Variants in DCDC2C observed in about 807,000 individuals in gnomAD.
The protein encoded by DCDC2C is doublecortin domain containing 2C.
In DCDC2C, 44 loss-of-function variants were observed where a neutral mutation model predicts 45.0. The observed-to-expected ratio is 0.98, with a 90% CI of 0.77 to 1.26. DCDC2C has a LOEUF of 1.26. DCDC2C is among the 50% of genes most tolerant of loss of function. DCDC2C has a pLI of 0.00. For missense variants in DCDC2C, 447 were observed against 468.9 expected (o/e 0.95, Z 0.43); for synonymous variants, 187 against 178.8 (o/e 1.05, Z -0.37).
chr2:3,809,467 T>G (rs1483768245), intron 10 of DCDC2C, among the ~76,000 whole-genome samples: 16 of 152,354 alleles, frequency 1.1e-4, no homozygotes, highest in Non-Finnish European at 2.9e-5. Flanking sequence ...TGCATAAATA[T>G]TTTGGTTTTG....
chr2:3,723,767 T>G (rs1371401915), intron 2 of DCDC2C, among the ~76,000 whole-genome samples: 1 of 152,098 alleles, frequency 6.6e-6, no homozygotes, highest in Non-Finnish European at 1.5e-5. Context: ...GATGCGCAGA[T>G]GGCATAAAGG....
At chr2:3,788,488 G>A (rs1190972882) in intron 10 of DCDC2C, 6 of 152,142 alleles carry the variant, frequency 3.9e-5, no homozygotes, top group Non-Finnish European at 5.9e-5. Context: ...CAGGTGCAAC[G>A]TGTATAAGAA....
At chr2:3,751,636 G>T (rs1199550417) in intron 4 of DCDC2C, among the ~76,000 whole-genome samples, 1 of 152,212 alleles carries the variant, frequency 6.6e-6, no homozygotes, top group African/African-American at 2.4e-5. Flanking sequence ...CAGCTCTGAC[G>T]CCCAGCTCTG....
intron 10 of DCDC2C, among the ~76,000 whole-genome samples, chr2:3,797,513 A>G (rs1670993934): frequency 6.8e-6 from 1 of 147,632 alleles, no homozygotes; most frequent in South Asian, 2.2e-4. Context: ...ATTTAGTGCT[A>G]TAAATTTCCC....
rs781710250 is a variant in DCDC2C at position 3,703,844 on chromosome 2, G to A, written c.93G>A (p.Lys31=). ...YRNGDPFYVG[K]KFVLSRRRAA... is the part of the protein sequence containing the mutation. Reference sequence around the variant, plus strand: ...ACGGGGACCCGTTCTACGTGGGCAAGAAGTTCGTGCTGTCGCGGCGCCGCG... The same window carrying A: ...ACGGGGACCCGTTCTACGTGGGCAAAAAGTTCGTGCTGTCGCGGCGCCGCG... The change falls in exon 1 of 11, where the codon AAG becomes AAA. Residue 31 remains lysine (K), a synonymous_variant. Transcript: ENST00000399143. The surrounding 1 kb of genome is among the most constrained non-coding windows in gnomAD (Gnocchi z 4.4). The A allele has an allele frequency of 2.3e-6, 3 of 1,278,594 alleles. No homozygotes were observed. The highest frequency in any genetic ancestry group is 3.0e-6 in the Non-Finnish European group (3 of 1,008,084). The allele number at this position is 1,278,594 out of a possible 1,614,324, so 79.2% of individuals were successfully genotyped here.
intron 9 of DCDC2C, among the ~76,000 whole-genome samples, chr2:3,779,899 C>T (rs572379451): frequency 2.2e-3 from 340 of 152,274 alleles, no homozygotes; most frequent in Non-Finnish European, 2.9e-3. Context: ...CGGCGCCTGA[C>T]ACAACTTGGA....
chr2:3,723,458 G>T (rs1304460951), intron 2 of DCDC2C, among the ~76,000 whole-genome samples: 1 of 152,202 alleles, frequency 6.6e-6, no homozygotes, highest in Non-Finnish European at 1.5e-5. Context: ...GTGTAGGAAT[G>T]GGCTGATGTT....
intron 4 of DCDC2C, among the ~76,000 whole-genome samples, chr2:3,749,334 G>T (rs1054939587): frequency 2.0e-5 from 3 of 152,204 alleles, no homozygotes; most frequent in African/African-American, 7.2e-5. Flanking sequence ...TTATGTGCAT[G>T]ATCTCATTTG....
chr2:3,757,353 G>T (rs1418001041), intron 6 of DCDC2C, among the ~76,000 whole-genome samples: 1 of 152,138 alleles, frequency 6.6e-6, no homozygotes, highest in Non-Finnish European at 1.5e-5. Context: ...TGTGGAATGT[G>T]GGGGGCTGTT....
intron 1 of DCDC2C, among the ~76,000 whole-genome samples, chr2:3,707,577 T>C (rs1241656210): frequency 1.3e-5 from 2 of 152,218 alleles, no homozygotes; most frequent in South Asian, 2.1e-4. Context: ...TGTAATAATA[T>C]GAACTTTTGG....
At chr2:3,832,266 C>T (rs1671970779) in intron 10 of DCDC2C, among the ~76,000 whole-genome samples, 1 of 152,202 alleles carries the variant, frequency 6.6e-6, no homozygotes, top group Non-Finnish European at 1.5e-5. Context: ...AGTTTTCATT[C>T]CATTCAAAAG....
intron 10 of DCDC2C, among the ~76,000 whole-genome samples, chr2:3,803,643 T>C (rs529179013): frequency 7.5e-4 from 114 of 152,346 alleles, no homozygotes; most frequent in African/African-American, 2.7e-3. Context: ...AAGTCCAGTG[T>C]CCTAAGCCAG....
rs888660392 is a variant in DCDC2C at position 3,752,619 on chromosome 2, C to T, written c.546-144C>T. 33 of 981,234 alleles carry T rather than the reference C, an allele frequency of 3.4e-5. No homozygotes were observed. The Middle Eastern group carries it at 1.6e-3, about 49-fold the overall frequency. 60.8% of individuals were successfully genotyped at this position (981,234 alleles called of 1,614,324 possible). A position where few individuals can be genotyped will look rare whatever the true frequency, so the allele number is the denominator to read the frequency against. On this transcript the variant is annotated intron_variant, in intron 4 of 10. Coordinates refer to ENST00000399143, the MANE Select transcript of DCDC2C (RefSeq NM_001287444.2). ...CAGTTCCCGTCGGGTTTAATTGGCC[C>T]GTTTGGATAACACGTGCTTACGATG...
intron 9 of DCDC2C, 92 bp downstream of exon 9, chr2:3,778,976 A>G (rs1206914580): frequency 3.2e-5 from 41 of 1,278,928 alleles, no homozygotes; most frequent in Non-Finnish European, 4.1e-5. Context: ...AGGATCTGAG[A>G]TCACAAGTCG....
At chr2:3,770,443 C>CT (rs985187459) in intron 8 of DCDC2C, among the ~76,000 whole-genome samples, 65 of 152,272 alleles carry the variant, frequency 4.3e-4, no homozygotes, top group African/African-American at 1.3e-3. Flanking sequence ...TTTCCACTTC[C>CT]TTTTTTTGGC....
chr2:3,747,667 A>T (rs745494036), intron 4 of DCDC2C, among the ~76,000 whole-genome samples: 1 of 152,218 alleles, frequency 6.6e-6, no homozygotes, highest in African/African-American at 2.4e-5. Flanking sequence ...AGTAGAAGTG[A>T]TATCTTTGGC....
intron 6 of DCDC2C, among the ~76,000 whole-genome samples, chr2:3,764,773 G>C (rs1669972675): frequency 6.6e-6 from 1 of 152,238 alleles, no homozygotes; most frequent in Non-Finnish European, 1.5e-5. Flanking sequence ...AGTCTGAGGA[G>C]CTGTTCCAGG....
chr2:3,762,162 C>T (rs1358999078), intron 6 of DCDC2C, among the ~76,000 whole-genome samples: 1 of 127,644 alleles, frequency 7.8e-6, no homozygotes, highest in Non-Finnish European at 1.6e-5. Flanking sequence ...TTGCTTGAAC[C>T]TTTTTTTTTT....
At chr2:3,782,971 C>A (rs1307058235) in intron 9 of DCDC2C, among the ~76,000 whole-genome samples, 1 of 152,156 alleles carries the variant, frequency 6.6e-6, no homozygotes, top group African/African-American at 2.4e-5. Flanking sequence ...ATCCACAGGC[C>A]ACGTGCTCAG....
Sources: allele counts gnomAD v4.1 joint callset (sites outside exome capture counted in the v4.1 genomes callset), GRCh38; gene constraint gnomAD v4.1.1; non-coding constraint Gnocchi (gnomAD v3.1); transcripts MANE v1.5; gene names NCBI Gene and HGNC (gene_info 2026-07-23, HGNC 2026-07-21).